Variants in KIAA1217 observed in about 807,000 individuals in gnomAD.
KIAA1217 encodes the protein KIAA1217.
In KIAA1217, 88 loss-of-function variants were observed where a neutral mutation model predicts 163.9. The observed-to-expected ratio is 0.54, with a 90% CI of 0.45 to 0.64. The LOEUF is 0.64. KIAA1217 is among the 30% of genes least tolerant of loss of function. The probability of loss-of-function intolerance (pLI) is 0.00; values close to 1 mark genes in which losing one functional copy is unlikely to be tolerated. For missense variants in KIAA1217, 2,372 were observed against 2,475.0 expected (o/e 0.96, Z 0.88); for synonymous variants, 903 against 923.1 (o/e 0.98, Z 0.39).
chr10:24,518,310 T>G (rs2070516031), intron 10 of KIAA1217, among the ~76,000 whole-genome samples: 1 of 143,822 alleles, frequency 7.0e-6, no homozygotes, highest in Admixed American at 7.0e-5. Flanking sequence ...TGATTTTTAA[T>G]GTTTTATCTA....
At chr10:23,821,346 A>G (rs117906554) in intron 1 of KIAA1217, among the ~76,000 whole-genome samples, 176 of 152,258 alleles carry the variant, frequency 1.2e-3, no homozygotes, top group Non-Finnish European at 2.2e-3. Context: ...TCACAGGAAT[A>G]CAGCACAAGA....
chr10:23,944,372 C>T lies in KIAA1217; in HGVS notation c.-320-62853C>T, dbSNP rs113112709. Among the ~76,000 whole-genome samples, 661 of 151,892 alleles carry T rather than the reference C, an allele frequency of 4.4e-3. 1 individual carries two copies. Among genetic ancestry groups the T allele is most frequent in the African/African-American group, 0.015 (635 of 41,436 alleles). ...CCTCAGAGGCAGAGGCTGCAGTGAG[C>T]GAGATGGCACCACTGCATTCCAGCC... On this transcript the variant is annotated intron_variant, in intron 1 of 18. Coordinates refer to the KIAA1217 transcript ENST00000376462.
intron 2 of KIAA1217, among the ~76,000 whole-genome samples, chr10:24,019,396 CA>C (rs34548705): frequency 6.6e-6 from 1 of 150,552 alleles, no homozygotes; most frequent in African/African-American, 2.4e-5. Context: ...TTAAGGAATG[CA>C]AAAAAAATTT....
intron 1 of KIAA1217, among the ~76,000 whole-genome samples, chr10:23,858,172 G>A (rs1839788701): frequency 6.6e-6 from 1 of 151,994 alleles, no homozygotes; most frequent in Non-Finnish European, 1.5e-5. Flanking sequence ...GCTCTTCTCT[G>A]GGCTCTGACT....
At chr10:24,387,960 G>C (rs1282532388) in intron 3 of KIAA1217, among the ~76,000 whole-genome samples, 1 of 152,104 alleles carries the variant, frequency 6.6e-6, no homozygotes, top group Non-Finnish European at 1.5e-5. Flanking sequence ...AGTCAATATT[G>C]TGAAAATGGC....
chr10:23,884,194 C>G (rs1056783740), intron 1 of KIAA1217, among the ~76,000 whole-genome samples: 4 of 151,920 alleles, frequency 2.6e-5, no homozygotes, highest in African/African-American at 9.7e-5. Context: ...CAACTTTCTT[C>G]CAATGTGGCT....
chr10:23,923,093 A>G (rs1273530167), intron 1 of KIAA1217, among the ~76,000 whole-genome samples: 2 of 151,426 alleles, frequency 1.3e-5, no homozygotes, highest in African/African-American at 4.9e-5. Flanking sequence ...CCTTCACCCC[A>G]CTCCCAGCCT....
intron 2 of KIAA1217, among the ~76,000 whole-genome samples, chr10:24,063,892 C>T (rs564149541): frequency 1.3e-5 from 2 of 152,086 alleles, no homozygotes; most frequent in South Asian, 4.2e-4. Flanking sequence ...TATTCTATTC[C>T]CTTTGAAGCA....
intron 2 of KIAA1217, among the ~76,000 whole-genome samples, chr10:24,028,536 T>C (rs1848058735): frequency 6.6e-6 from 1 of 152,218 alleles, no homozygotes; most frequent in East Asian, 1.9e-4. Context: ...TGTAAAACTA[T>C]GAAAGAACAT....
At chr10:24,218,778 G>A (rs545022921) in intron 1 of KIAA1217, among the ~76,000 whole-genome samples, 2 of 151,928 alleles carry the variant, frequency 1.3e-5, no homozygotes, top group South Asian at 2.1e-4. Context: ...CATGAGCCAC[G>A]GCGCCTGGCC....
rs10573976 is a variant in KIAA1217, at chr10:24,076,877, C to CTT, written c.-171+69519_-171+69520dup. ...TAAACTGCTAATTTTTTATTTCCATCTTTTTTTTTTTTTTTTTGAGATGGA... is the reference window on the plus strand; with the variant it reads ...TAAACTGCTAATTTTTTATTTCCATCTTTTTTTTTTTTTTTTTTTGAGATGGA... On this transcript the variant is annotated intron_variant, in intron 2 of 18. Transcript: ENST00000376462. Among the ~76,000 whole-genome samples the CTT allele has an allele frequency of 4.8e-4, 68 of 140,986 alleles. 1 individual carries two copies. Among genetic ancestry groups the CTT allele is most frequent in the African/African-American group, 1.1e-3 (43 of 39,338 alleles). 92.5% of individuals were successfully genotyped at this position (140,986 alleles called of 152,430 possible).
At chr10:23,861,998 G>T (rs2131137070) in intron 1 of KIAA1217, among the ~76,000 whole-genome samples, 1 of 152,296 alleles carries the variant, frequency 6.6e-6, no homozygotes, top group East Asian at 1.9e-4. Flanking sequence ...TAAGTAGGAA[G>T]CTGTGACCAG....
rs72267704 is a variant in KIAA1217, at chr10:24,092,928, T to TTGTGTGTGTGTGTG, written c.-171+85567_-171+85580dup. On this transcript the variant is annotated intron_variant, in intron 2 of 18. Transcript: ENST00000376462. The stretch of plus-strand genomic sequence containing the variant: ...TAGTGTGTGTGTGTGTGTGTGTGTG[T>TTGTGTGTGTGTGTG]TGTGTGTGTGTGTGTGTGTGTGTGT... 1.0e-3 allele frequency among the ~76,000 whole-genome samples: 142 copies of TTGTGTGTGTGTGTG among 141,062 alleles called. 1 individual carries two copies. The highest frequency in any genetic ancestry group is 3.6e-3 in the African/African-American group (132 of 36,518). 92.5% of individuals were successfully genotyped at this position (141,062 alleles called of 152,430 possible).
rs552538783 is a variant in KIAA1217 at position 23,736,717 on chromosome 10, A to T, written c.-321+41483A>T. ...TAAAAAAAAATTTTCGTAGAGATGG[A>T]GTCTTGCTGTGTTGCCCAGGCTGGT... On this transcript the variant is annotated intron_variant, in intron 1 of 18. Transcript: ENST00000376462. Among the ~76,000 whole-genome samples, 287 of 152,148 alleles carry T rather than the reference A, an allele frequency of 1.9e-3. 2 individuals are homozygous for T. The highest frequency in any genetic ancestry group is 6.8e-3 in the African/African-American group (281 of 41,504).
At chr10:24,073,070 A>AG (rs1554855620) in intron 2 of KIAA1217, among the ~76,000 whole-genome samples, 47 of 151,918 alleles carry the variant, frequency 3.1e-4, no homozygotes, top group Admixed American at 9.8e-4. Context: ...AAAAAAAAAA[A>AG]AAAGAAAGAA....
At chr10:24,030,953 C>A (rs1848162527) in intron 2 of KIAA1217, among the ~76,000 whole-genome samples, 2 of 152,050 alleles carry the variant, frequency 1.3e-5, no homozygotes, top group African/African-American at 4.8e-5. Context: ...TTGTTTCTAC[C>A]TTTTGGATCT....
intron 2 of KIAA1217, among the ~76,000 whole-genome samples, chr10:24,173,331 G>T (rs1263763781): frequency 6.6e-6 from 1 of 152,158 alleles, no homozygotes; most frequent in Non-Finnish European, 1.5e-5. Flanking sequence ...GTGATGGTGA[G>T]TTGTATAATT....
intron 1 of KIAA1217, among the ~76,000 whole-genome samples, chr10:23,782,831 CGTT>C (rs1276167775): frequency 6.6e-6 from 1 of 151,994 alleles, no homozygotes; most frequent in African/African-American, 2.4e-5. Context: ...TTTAATTACT[CGTT>C]ATTATCTGAT....
intron 1 of KIAA1217, among the ~76,000 whole-genome samples, chr10:23,702,513 T>A (rs994411737): frequency 2.0e-5 from 3 of 152,128 alleles, no homozygotes; most frequent in East Asian, 3.9e-4. Flanking sequence ...AATAATACTA[T>A]AGTTTGCTTT....
Sources: allele counts gnomAD v4.1 joint callset (sites outside exome capture counted in the v4.1 genomes callset), GRCh38; gene constraint gnomAD v4.1.1; transcripts MANE v1.5; gene names NCBI Gene and HGNC (gene_info 2026-07-23, HGNC 2026-07-21).